Variants in NDUFC2 observed in about 807,000 individuals in gnomAD.
NDUFC2 encodes NADH dehydrogenase [ubiquinone] 1 subunit C2.
NDUFC2 carries 2 observed loss-of-function variants against 10.1 expected under a neutral mutation model. The observed-to-expected ratio is 0.20, with a 90% confidence interval of 0.08 to 0.62. The LOEUF (loss-of-function observed/expected upper bound fraction) is 0.62, where lower values mean the gene tolerates loss of function less well. Among genes scored for constraint, NDUFC2 ranks in the 20% least tolerant of loss-of-function variants. The probability of loss-of-function intolerance (pLI) is 0.87; values close to 1 mark genes in which losing one functional copy is unlikely to be tolerated. For synonymous variants in NDUFC2, 61 were observed against 63.6 expected (o/e 0.96, Z 0.20); for missense variants, 156 against 159.6 (o/e 0.98, Z 0.12).
intron 1 of NDUFC2, among the ~76,000 whole-genome samples, chr11:78,074,332 G>A (rs1859151328): frequency 6.6e-6 from 1 of 151,946 alleles, no homozygotes; most frequent in Non-Finnish European, 1.5e-5. Flanking sequence ...ACCTATCCTG[G>A]CTGGGCGTGG....
chr11:78,079,625 G>A lies in NDUFC2; in HGVS notation c.120C>T (p.Ser40=), dbSNP rs541557454. ...GCCGGATTAGGTTATCAATCAGGCCGGAGCAGTAGCCCAAGAAGCCGATGT... is the reference window on the plus strand; with the variant it reads ...GCCGGATTAGGTTATCAATCAGGCCAGAGCAGTAGCCCAAGAAGCCGATGT... ...LLYIGFLGYC[S]GLIDNLIRRR... is the part of the protein sequence containing the mutation. Residue 40 remains serine (S), a synonymous_variant, in exon 1 of 3, where the codon TCC becomes TCT. Transcript: ENST00000281031. The A allele has an allele frequency of 5.1e-6, 8 of 1,573,638 alleles. No homozygotes were observed. The highest frequency in any genetic ancestry group is 2.7e-5 in the African/African-American group (2 of 74,136).
At position 78,069,975 on chromosome 11, in the gene NDUFC2, A is replaced by G; in HGVS notation, c.*12T>C. The G allele has an allele frequency of 6.2e-7, 1 of 1,612,536 alleles. No homozygotes were observed. The highest frequency in any genetic ancestry group is 8.5e-7 in the Non-Finnish European group (1 of 1,179,098). Reference sequence around the variant, plus strand: ...AGGTATCAGTGAAACTGGAGCAAGCATTTTGAAGACTTCAACGTATTGGAT... The same window carrying G: ...AGGTATCAGTGAAACTGGAGCAAGCGTTTTGAAGACTTCAACGTATTGGAT... On this transcript the variant is annotated 3_prime_UTR_variant, in exon 3 of 3. Transcript: ENST00000281031.
chr11:78,072,803 G>C (rs1297213239), intron 2 of NDUFC2, 195 bp downstream of exon 2: 1 of 754,700 alleles, frequency 1.3e-6, no homozygotes, highest in East Asian at 2.7e-5. Flanking sequence ...GGGGATATGA[G>C]TTTTGTTTGC....
rs1565329848 is a variant in NDUFC2 at position 78,069,837 on chromosome 11, A to C, written c.*150T>G. On this transcript the variant is annotated 3_prime_UTR_variant, in exon 3 of 3. Transcript: ENST00000281031. Reference sequence around the variant, plus strand: ...GATGATGAACTATTTTTCTTACAACAATAAAGAGTCAGAGTACTCATGGTA... The same window carrying C: ...GATGATGAACTATTTTTCTTACAACCATAAAGAGTCAGAGTACTCATGGTA... 6.5e-7 allele frequency: 1 copy of C among 1,527,430 alleles called. No homozygotes were observed. The highest frequency in any genetic ancestry group is 1.4e-5 in the African/African-American group (1 of 72,872). The allele number at this position is 1,527,430 out of a possible 1,614,324, so 94.6% of individuals were successfully genotyped here.
intron 1 of NDUFC2, among the ~76,000 whole-genome samples, chr11:78,077,236 G>A (rs527244965): frequency 2.6e-5 from 4 of 151,814 alleles, no homozygotes; most frequent in African/African-American, 9.7e-5. Flanking sequence ...AGGCTGCAGT[G>A]AGCCATGAGT....
In NDUFC2 at chr11:78,069,332, A is replaced by G. The variant is rs1858887604; in HGVS notation, c.*655T>C. The G allele has an allele frequency of 6.5e-6, 1 of 153,120 alleles. No homozygotes were observed. Among genetic ancestry groups the G allele is most frequent in the Non-Finnish European group, 1.5e-5 (1 of 68,788 alleles). The allele number at this position is 153,120 out of a possible 1,614,324, so 9.5% of individuals were successfully genotyped here. ...CAGGATAACCCACCTAAGAGCAAAG[A>G]CAACTTGGCAACATAAGATTTCTGT... On this transcript the variant is annotated 3_prime_UTR_variant, in exon 3 of 3. Transcript: ENST00000281031.
At chr11:78,072,375 G>A (rs642047) in intron 2 of NDUFC2, among the ~76,000 whole-genome samples, 131,937 of 152,198 alleles carry the variant, frequency 0.87, 57,341 homozygotes, top group African/African-American at 0.91. Context: ...ACAGGGTTTC[G>A]CCATGTTGGC....
At chr11:78,077,621 T>C (rs1432873134) in intron 1 of NDUFC2, among the ~76,000 whole-genome samples, 1 of 151,980 alleles carries the variant, frequency 6.6e-6, no homozygotes, top group African/African-American at 2.4e-5. Flanking sequence ...AGTGGTGCAA[T>C]CGTGGCTCGC....
At position 78,076,148 on chromosome 11, in the gene NDUFC2, T is replaced by C. The variant is rs531302306; in HGVS notation, c.167-3007A>G. 6.6e-5 allele frequency among the ~76,000 whole-genome samples: 10 copies of C among 152,110 alleles called. No homozygotes were observed. In the East Asian group the frequency reaches 1.9e-3, roughly 29 times the overall value. ...ATACTTATTCACTCAATACTACTTT[T>C]TTTTTTTTTTAAAGACAGAGTCTCA... is the stretch of plus-strand genomic sequence containing the variant. On this transcript the variant is annotated intron_variant, in intron 1 of 2. Transcript: ENST00000281031.
intron 1 of NDUFC2, among the ~76,000 whole-genome samples, chr11:78,079,333 T>C (rs756251585): frequency 2.0e-5 from 3 of 152,180 alleles, no homozygotes; most frequent in Non-Finnish European, 4.4e-5. Context: ...GAGAGTAGTT[T>C]CGGGTCCTTC....
chr11:78,076,436 G>A (rs894280332), intron 1 of NDUFC2, among the ~76,000 whole-genome samples: 2 of 152,042 alleles, frequency 1.3e-5, no homozygotes, highest in South Asian at 2.1e-4. Context: ...GCCACCACAC[G>A]TGACCTCACT....
chr11:78,074,951 T>C (rs186065653), intron 1 of NDUFC2, among the ~76,000 whole-genome samples: 193 of 152,294 alleles, frequency 1.3e-3, no homozygotes, highest in African/African-American at 4.5e-3. Flanking sequence ...ATCCTAGCCC[T>C]AAAGGCATGG....
intron 2 of NDUFC2, among the ~76,000 whole-genome samples, chr11:78,071,720 G>A (rs542532011): frequency 6.6e-6 from 1 of 152,332 alleles, no homozygotes; most frequent in East Asian, 1.9e-4. Flanking sequence ...AGCACCCTGA[G>A]GGAATGCCTG....
In NDUFC2 at chr11:78,079,810, A is replaced by G; in HGVS notation, c.-66T>C. ...AACTACAAGGAAAACCACGACGACC[A>G]CTACCCCGGCCTAAGCGGTCAGCTT... On this transcript the variant is annotated 5_prime_UTR_variant, in exon 1 of 3. Transcript: ENST00000281031. 8 of 1,527,720 alleles carry G rather than the reference A, an allele frequency of 5.2e-6. No individual in the cohort carries two copies. The highest frequency in any genetic ancestry group is 2.5e-5 in the South Asian group (2 of 81,298). The allele number at this position is 1,527,720 out of a possible 1,614,324, so 94.6% of individuals were successfully genotyped here. A position where few individuals can be genotyped will look rare whatever the true frequency, so the allele number is the denominator to read the frequency against.
chr11:78,075,351 G>A (rs1231232910), intron 1 of NDUFC2, among the ~76,000 whole-genome samples: 2 of 152,088 alleles, frequency 1.3e-5, no homozygotes, highest in African/African-American at 2.4e-5. Flanking sequence ...CTGAAGGAGA[G>A]GAATTTGAAT....
At chr11:78,071,257 T>G (rs1003232224) in intron 2 of NDUFC2, among the ~76,000 whole-genome samples, 2 of 148,338 alleles carry the variant, frequency 1.3e-5, no homozygotes, top group Non-Finnish European at 3.0e-5. Flanking sequence ...CAGAAGAATT[T>G]TTTTTTTTTT....
chr11:78,076,803 G>A (rs1456196727), intron 1 of NDUFC2, among the ~76,000 whole-genome samples: 1 of 152,110 alleles, frequency 6.6e-6, no homozygotes, highest in Non-Finnish European at 1.5e-5. Flanking sequence ...TGGTACATAC[G>A]TCACATTTCA....
intron 1 of NDUFC2, among the ~76,000 whole-genome samples, chr11:78,077,683 G>A (rs1859309882): frequency 6.6e-6 from 1 of 152,076 alleles, no homozygotes; most frequent in African/African-American, 2.4e-5. Flanking sequence ...AGCTTCCTGA[G>A]TACCTGGGAC....
At chr11:78,075,384 G>T (rs1304400303) in intron 1 of NDUFC2, among the ~76,000 whole-genome samples, 1 of 152,094 alleles carries the variant, frequency 6.6e-6, no homozygotes, top group African/African-American at 2.4e-5. Context: ...AAGAAGGGGT[G>T]AATGTTTGGG....
Sources: gnomAD v4.1 joint callset for allele counts (sites outside exome capture counted in the v4.1 genomes callset) on GRCh38, gnomAD v4.1.1 for gene constraint, MANE v1.5 for transcripts, NCBI Gene and HGNC (gene_info 2026-07-23, HGNC 2026-07-21) for gene names.